Variants in SORCS2 observed in about 807,000 individuals in gnomAD.
SORCS2 encodes the protein VPS10 domain-containing receptor SorCS2.
A neutral mutation model predicts 141.6 loss-of-function variants in SORCS2; 100 were observed. The ratio of observed to expected loss-of-function variants is 0.71; its 90% CI spans 0.60 to 0.83. SORCS2 has a LOEUF of 0.83. Ranked by LOEUF, SORCS2 falls within the 40% of genes least tolerant of loss-of-function variation. The pLI is 0.00. For synonymous variants in SORCS2, 789 were observed against 676.9 expected (o/e 1.17, Z -2.57); for missense variants, 1,646 against 1,560.2 (o/e 1.05, Z -0.93).
intron 2 of SORCS2, among the ~76,000 whole-genome samples, chr4:7,460,800 T>C (rs965083755): frequency 3.9e-5 from 6 of 152,198 alleles, no homozygotes; most frequent in Non-Finnish European, 8.8e-5. Context: ...GACAGCTCGA[T>C]GTTGCATTTT....
chr4:7,599,825 T>C (rs1393298129), intron 3 of SORCS2, among the ~76,000 whole-genome samples: 1 of 145,232 alleles, frequency 6.9e-6, no homozygotes, highest in African/African-American at 2.5e-5. Context: ...TCTTTTTTCT[T>C]TTTTTTTTTT....
At chr4:7,229,746 G>A (rs1185185567) in intron 1 of SORCS2, among the ~76,000 whole-genome samples, 1 of 152,214 alleles carries the variant, frequency 6.6e-6, no homozygotes, top group Non-Finnish European at 1.5e-5. Flanking sequence ...CTCTGGGCAG[G>A]AGCAGTGTCA....
intron 1 of SORCS2, among the ~76,000 whole-genome samples, chr4:7,254,461 T>C (rs1393796220): frequency 6.6e-6 from 1 of 152,182 alleles, no homozygotes; most frequent in East Asian, 1.9e-4. Flanking sequence ...AAGTGGGTAC[T>C]AAGAAGTGTG....
At chr4:7,582,297 G>A (rs1716210727) in intron 3 of SORCS2, among the ~76,000 whole-genome samples, 1 of 152,188 alleles carries the variant, frequency 6.6e-6, no homozygotes, top group Non-Finnish European at 1.5e-5. Context: ...TGACGACAAA[G>A]GCCATGATCT....
chr4:7,737,049 C>G lies in SORCS2; in HGVS notation c.3312-20C>G, dbSNP rs1712238221. On this transcript the variant is annotated intron_variant, in intron 25 of 26. Coordinates refer to ENST00000507866, the MANE Select transcript of SORCS2 (RefSeq NM_020777.3). ...TGGGAAGCCCCTCCAAGCTGAGCCG[C>G]CCTTGCCTCTGTCCAGCAGGAAACG... 1 of 1,550,592 alleles carries G rather than the reference C, an allele frequency of 6.4e-7. No individual in the cohort carries two copies. Among genetic ancestry groups the G allele is most frequent in the Non-Finnish European group, 8.7e-7 (1 of 1,146,792 alleles).
chr4:7,494,906 G>C (rs1419292722), intron 2 of SORCS2, among the ~76,000 whole-genome samples: 1 of 152,240 alleles, frequency 6.6e-6, no homozygotes, highest in African/African-American at 2.4e-5. Context: ...TGATGGAGCA[G>C]GAAGGTGCTG....
chr4:7,541,072 A>T (rs917859337), intron 3 of SORCS2, among the ~76,000 whole-genome samples: 11 of 152,192 alleles, frequency 7.2e-5, no homozygotes, highest in African/African-American at 2.2e-4. Flanking sequence ...ATGACCATGG[A>T]CTGACACTCC....
intron 1 of SORCS2, among the ~76,000 whole-genome samples, chr4:7,278,286 C>T (rs1475530170): frequency 1.3e-5 from 2 of 152,230 alleles, no homozygotes; most frequent in Non-Finnish European, 1.5e-5. Flanking sequence ...AGTCTAAGCG[C>T]ATTGCCAGCA....
intron 4 of SORCS2, among the ~76,000 whole-genome samples, chr4:7,644,054 C>A (rs754656013): frequency 6.6e-6 from 1 of 152,150 alleles, no homozygotes; most frequent in African/African-American, 2.4e-5. Context: ...GATATGTAAG[C>A]AGAAAAGGGA....
intron 3 of SORCS2, among the ~76,000 whole-genome samples, chr4:7,581,794 G>C (rs1234124325): frequency 2.0e-5 from 3 of 152,144 alleles, no homozygotes; most frequent in African/African-American, 7.2e-5. Context: ...CTGGATGCTA[G>C]GCCCTAGCTC....
At chr4:7,277,481 G>A (rs964831475) in intron 1 of SORCS2, among the ~76,000 whole-genome samples, 6 of 152,186 alleles carry the variant, frequency 3.9e-5, no homozygotes. Flanking sequence ...CAGGAGTCCT[G>A]CGGAGACAGT....
At position 7,582,489 on chromosome 4, in the gene SORCS2, C is replaced by T. The variant is rs1460403596; in HGVS notation, c.648+50860C>T. Reference sequence around the variant, plus strand: ...AGGGTGCGGCCGGAAAGGCGGCCGCCCCCTCGCCCATCATGCAATGCACAT... The same window carrying T: ...AGGGTGCGGCCGGAAAGGCGGCCGCTCCCTCGCCCATCATGCAATGCACAT... On this transcript the variant is annotated intron_variant, in intron 3 of 26. Coordinates refer to ENST00000507866, the MANE Select transcript of SORCS2 (RefSeq NM_020777.3). Among the ~76,000 whole-genome samples, 4 of 152,098 alleles carry T rather than the reference C, an allele frequency of 2.6e-5. No individual in the cohort carries two copies. In the East Asian group the frequency reaches 7.7e-4, roughly 29 times the overall value.
intron 2 of SORCS2, among the ~76,000 whole-genome samples, chr4:7,468,009 C>T (rs1469029161): frequency 6.6e-6 from 1 of 152,216 alleles, no homozygotes; most frequent in East Asian, 1.9e-4. Flanking sequence ...TACCTTTCTG[C>T]CCCATGGAGC....
At chr4:7,249,347 G>A (rs1713327696) in intron 1 of SORCS2, among the ~76,000 whole-genome samples, 1 of 152,210 alleles carries the variant, frequency 6.6e-6, no homozygotes, top group African/African-American at 2.4e-5. Flanking sequence ...GGTCCCAAGA[G>A]TGACTGTTCC....
intron 14 of SORCS2, among the ~76,000 whole-genome samples, chr4:7,711,133 C>T (rs1725803005): frequency 6.6e-6 from 1 of 152,176 alleles, no homozygotes; most frequent in South Asian, 2.1e-4. Context: ...CTTGCAGAGG[C>T]TTAGGGTTTC....
At chr4:7,386,067 C>A (rs1723275497) in intron 1 of SORCS2, among the ~76,000 whole-genome samples, 1 of 151,660 alleles carries the variant, frequency 6.6e-6, no homozygotes, top group Non-Finnish European at 1.5e-5. Flanking sequence ...GCTCTGTTGC[C>A]TGCGCATACA....
chr4:7,308,718 C>G (rs1330376075), intron 1 of SORCS2, among the ~76,000 whole-genome samples: 1 of 151,658 alleles, frequency 6.6e-6, no homozygotes, highest in Non-Finnish European at 1.5e-5. Context: ...CCTGTCCTCT[C>G]TCTCCAGCAC....
At chr4:7,324,437 G>A (rs774425936) in intron 1 of SORCS2, among the ~76,000 whole-genome samples, 6 of 152,240 alleles carry the variant, frequency 3.9e-5, no homozygotes, top group Non-Finnish European at 7.3e-5. Context: ...GCCGGGGAAG[G>A]GACCGTCTGC....
intron 3 of SORCS2, among the ~76,000 whole-genome samples, chr4:7,539,650 T>C (rs1331457767): frequency 7.4e-6 from 1 of 135,626 alleles, no homozygotes; most frequent in Non-Finnish European, 1.6e-5. Flanking sequence ...CCTTCAGCCC[T>C]ACAAACTCCT....
Sources: gnomAD v4.1 joint callset for allele counts (sites outside exome capture counted in the v4.1 genomes callset) on GRCh38, gnomAD v4.1.1 for gene constraint, MANE v1.5 for transcripts, NCBI Gene and HGNC (gene_info 2026-07-23, HGNC 2026-07-21) for gene names.